The following RASSF4 variants were observed in gnomAD, a reference collection of about 807,000 sequenced individuals.
RASSF4 encodes the protein ras association domain-containing protein 4.
RASSF4 carries 38 observed loss-of-function variants against 41.1 expected under a neutral mutation model. The ratio of observed to expected loss-of-function variants is 0.92; its 90% CI spans 0.71 to 1.21. The LOEUF (loss-of-function observed/expected upper bound fraction) is 1.21. RASSF4 is among the 50% of genes most tolerant of loss of function. RASSF4 has a pLI of 0.00. For synonymous variants in RASSF4, 179 were observed against 163.4 expected (o/e 1.10, Z -0.73); for missense variants, 414 against 419.4 (o/e 0.99, Z 0.11).
chr10:44,992,953 T>C (rs1277994427), intron 10 of RASSF4, among the ~76,000 whole-genome samples: 1 of 152,120 alleles, frequency 6.6e-6, no homozygotes, highest in Non-Finnish European at 1.5e-5. Context: ...GCCGCATAGG[T>C]TATGGCAGAA....
At chr10:44,979,431 C>G (rs969582009) in intron 3 of RASSF4, among the ~76,000 whole-genome samples, 2 of 152,166 alleles carry the variant, frequency 1.3e-5, no homozygotes, top group Non-Finnish European at 2.9e-5. Flanking sequence ...GTGTGGCCCC[C>G]TGGAGCTCAT....
rs1842197359 is a variant in RASSF4 at position 44,993,477 on chromosome 10, C to T, written c.*148C>T. 1.5e-6 allele frequency: 1 copy of T among 645,306 alleles called. No homozygotes were observed. Among genetic ancestry groups the T allele is most frequent in the East Asian group, 2.8e-5 (1 of 36,126 alleles). 40.0% of individuals were successfully genotyped at this position (645,306 alleles called of 1,614,324 possible). A position where few individuals can be genotyped will look rare whatever the true frequency, so the allele number is the denominator to read the frequency against. On this transcript the variant is annotated 3_prime_UTR_variant, in exon 11 of 11. Transcript: ENST00000340258. ...GTCTACCTCTCTGAAGCCTGAGCAC[C>T]ATGATTCCCACAGCCAGCTCTTGGC...
intron 6 of RASSF4, among the ~76,000 whole-genome samples, chr10:44,985,853 G>A (rs1293786736): frequency 6.6e-6 from 1 of 152,176 alleles, no homozygotes; most frequent in East Asian, 1.9e-4. Context: ...CTAGGCTTGT[G>A]GTGAGTGAAT....
chr10:44,980,982 T>G (rs1841685248), intron 3 of RASSF4: 1 of 152,132 alleles, frequency 6.6e-6, no homozygotes, highest in Non-Finnish European at 1.5e-5. Flanking sequence ...TTTTAGCAGA[T>G]AGTGCAAGGT....
At chr10:44,970,139 C>A in intron 1 of RASSF4, 26 bp from the exon 2 acceptor site, 1 of 1,428,734 alleles carries the variant, frequency 7.0e-7, no homozygotes, top group South Asian at 1.2e-5. Context: ...GCTCACCTGT[C>A]TGTCCACCCT....
intron 3 of RASSF4, among the ~76,000 whole-genome samples, chr10:44,980,733 G>A (rs1205000730): frequency 6.6e-6 from 1 of 152,162 alleles, no homozygotes; most frequent in Non-Finnish European, 1.5e-5. Context: ...ATCTTCCTCT[G>A]CCTGGCGTCC....
chr10:44,993,137 C>A (rs1417145619), intron 10 of RASSF4, 132 bp from the exon 11 acceptor site: 1 of 722,786 alleles, frequency 1.4e-6, no homozygotes, highest in Non-Finnish European at 2.4e-6. Context: ...AGCCTTCCCC[C>A]TCCTTGGCAG....
In RASSF4 at chr10:44,971,784, T is replaced by A. The variant is rs1841180326; in HGVS notation, c.74T>A (p.Leu25Ter). 1 of 1,613,842 alleles carries A rather than the reference T, an allele frequency of 6.2e-7. No homozygotes were observed. Among genetic ancestry groups the A allele is most frequent in the African/African-American group, 1.3e-5 (1 of 74,912 alleles). Residue 25 changes from leucine to a stop codon, truncating the protein, a stop_gained, in exon 3 of 11, where the codon TTA becomes TAA. Coordinates refer to ENST00000340258, the MANE Select transcript of RASSF4 (RefSeq NM_032023.4). LOFTEE classifies it high-confidence loss of function. ...DSKSIQKSELLGLLKTYNCYH... is the reference protein window; with the variant it reads ...DSKSIQKSEL ...CTTTCCCTTTTTAGGTCGGAGCTCT[T>A]AGGCCTGCTGAAAACCTACAACTGC...
intron 3 of RASSF4, among the ~76,000 whole-genome samples, chr10:44,980,318 C>T (rs1445654118): frequency 1.3e-5 from 2 of 152,214 alleles, no homozygotes; most frequent in East Asian, 1.9e-4. Flanking sequence ...TTGTCTAGTT[C>T]GCTGGCTCTT....
intron 3 of RASSF4, chr10:44,977,353 C>T (rs751329665): frequency 2.6e-6 from 4 of 1,518,644 alleles, no homozygotes; most frequent in African/African-American, 1.4e-5. Flanking sequence ...GAGATGCAGA[C>T]CCAGCATGCT....
chr10:44,978,756 G>A (rs1465137409), intron 3 of RASSF4: 1 of 152,430 alleles, frequency 6.6e-6, no homozygotes, highest in African/African-American at 2.4e-5. Flanking sequence ...CTGGGAGGAG[G>A]ACAGTGCACT....
In RASSF4 at chr10:44,984,913, G is replaced by C. The variant is rs35672435; in HGVS notation, c.474G>C (p.Glu158Asp). The change falls in exon 6 of 11, where the codon GAG (glutamate) becomes GAC (aspartate). Residue 158 changes from glutamate to aspartate, a missense_variant. Glu to Asp is a conservative substitution (Grantham distance 45). Coordinates refer to ENST00000340258, the MANE Select transcript of RASSF4 (RefSeq NM_032023.4). ...QRRPKCRAPG[E>D]AQRIRRHRFS... ...GGCCCAAGTGCCGCGCCCCCGGTGAGGCCCAGCGCATCCGGCGACACCGGT... is the reference window on the plus strand; with the variant it reads ...GGCCCAAGTGCCGCGCCCCCGGTGACGCCCAGCGCATCCGGCGACACCGGT... 1,044 of 1,613,388 alleles carry C rather than the reference G, an allele frequency of 6.5e-4. 8 individuals are homozygous for C. The African/African-American group carries it at 0.013, about 19-fold the overall frequency.
At chr10:44,961,355 A>G (rs1840701738) in intron 1 of RASSF4, among the ~76,000 whole-genome samples, 1 of 152,256 alleles carries the variant, frequency 6.6e-6, no homozygotes, top group South Asian at 2.1e-4. Flanking sequence ...CAAGTGGACC[A>G]TGACAGATAA....
At chr10:44,980,315 G>A (rs941411179) in intron 3 of RASSF4, among the ~76,000 whole-genome samples, 1 of 152,242 alleles carries the variant, frequency 6.6e-6, no homozygotes, top group Non-Finnish European at 1.5e-5. Flanking sequence ...CCTTTGTCTA[G>A]TTCGCTGGCT....
At chr10:44,983,969 A>G in intron 4 of RASSF4, 53 bp from the exon 5 acceptor site, 5 of 1,553,436 alleles carry the variant, frequency 3.2e-6, no homozygotes, top group Non-Finnish European at 4.4e-6. Flanking sequence ...CCTTGGCCTG[A>G]GCTCCCTTTC....
chr10:44,982,755 A>T (rs1285013921), intron 4 of RASSF4, 92 bp downstream of exon 4: 1 of 1,383,798 alleles, frequency 7.2e-7, no homozygotes, highest in Non-Finnish European at 1.0e-6. Flanking sequence ...CTGTTCCCTT[A>T]TGGGACACTG....
At chr10:44,968,435 G>A (rs1289379077) in intron 1 of RASSF4, among the ~76,000 whole-genome samples, 1 of 152,160 alleles carries the variant, frequency 6.6e-6, no homozygotes, top group Admixed American at 6.5e-5. Flanking sequence ...GCCCTGAGGT[G>A]CCTAACTCTG....
chr10:44,971,727 G>A, intron 2 of RASSF4, 46 bp from the exon 3 acceptor site: 3 of 1,478,498 alleles, frequency 2.0e-6, no homozygotes, highest in Non-Finnish European at 2.8e-6. Flanking sequence ...CAGAAGCTGA[G>A]GCCCTGCCAC....
intron 1 of RASSF4, among the ~76,000 whole-genome samples, chr10:44,964,048 C>T (rs1279347396): frequency 1.3e-5 from 2 of 152,236 alleles, no homozygotes; most frequent in African/African-American, 2.4e-5. Context: ...TCACAGTCAC[C>T]TTCTTCTGTA....
Sources: allele counts gnomAD v4.1 joint callset (sites outside exome capture counted in the v4.1 genomes callset), GRCh38; gene constraint gnomAD v4.1.1; transcripts MANE v1.5; gene names NCBI Gene and HGNC (gene_info 2026-07-23, HGNC 2026-07-21).